Variants in MYH7B observed in about 807,000 individuals in gnomAD.
MYH7B encodes the protein myosin heavy chain 7B.
Under a neutral mutation model 234.5 loss-of-function variants are expected in MYH7B, and 205 were observed. The observed-to-expected ratio is 0.87, with a 90% CI of 0.78 to 0.98. The LOEUF is 0.98. Among genes scored for constraint, MYH7B ranks in the 50% least tolerant of loss-of-function variants. The probability of loss-of-function intolerance (pLI) is 0.00; values close to 1 mark genes in which losing one functional copy is unlikely to be tolerated. For missense variants in MYH7B, 2,652 were observed against 2,633.4 expected (o/e 1.01, Z -0.15); for synonymous variants, 1,193 against 1,105.0 (o/e 1.08, Z -1.58).
Position 34,979,782 on chromosome 20 carries a change from G to A in MYH7B, c.320G>A (p.Arg107His), listed in dbSNP as rs760623727. The A allele has an allele frequency of 1.4e-5, 23 of 1,613,788 alleles. No homozygotes were observed. The highest frequency in any genetic ancestry group is 5.3e-5 in the African/African-American group (4 of 74,912). The change falls in exon 7 of 45, where the codon CGC becomes CAC. Residue 107 changes from arginine to histidine, a missense_variant. Arg to His is a conservative substitution (Grantham distance 29). Around this residue, in one of 3 missense-constraint regions of MYH7B, gnomAD observed 366 missense variants for 401.2 expected, o/e 0.91. Transcript: ENST00000262873. ...TCTGTGCTGCACAACCTGCGCCAGC[G>A]CTATGCCCGCTGGATGATCTATGTG... is the stretch of plus-strand genomic sequence containing the variant.
chr20:34,963,822 CT>C (rs1447849473), intron 2 of MYH7B, among the ~76,000 whole-genome samples: 1 of 152,090 alleles, frequency 6.6e-6, no homozygotes, highest in Non-Finnish European at 1.5e-5. Flanking sequence ...ATATATGACA[CT>C]TTTTCATGGT....
At chr20:34,989,524 A>C (rs918253404) in intron 19 of MYH7B, among the ~76,000 whole-genome samples, 8 of 152,194 alleles carry the variant, frequency 5.3e-5, no homozygotes, top group Non-Finnish European at 1.2e-4. Flanking sequence ...TCAGTGCTGC[A>C]GATTTTGCAG....
At chr20:34,999,754 C>G (rs747998179) in intron 37 of MYH7B, 37 bp from the exon 38 acceptor site, 10 of 1,280,928 alleles carry the variant, frequency 7.8e-6, no homozygotes, top group East Asian at 5.2e-5. Flanking sequence ...TGGCCATCCC[C>G]CCCCCCCACC....
chr20:34,987,492 G>C (rs2082050444), intron 16 of MYH7B, 65 bp from the exon 17 acceptor site: 1 of 1,472,234 alleles, frequency 6.8e-7, no homozygotes, highest in African/African-American at 1.4e-5. Context: ...CCCAGGCTGA[G>C]GCAGTAGAGC....
intron 37 of MYH7B, 36 bp from the exon 38 acceptor site, chr20:34,999,750 TCCCCC>T (rs61644803): frequency 1.5e-6 from 2 of 1,320,730 alleles, no homozygotes; most frequent in Non-Finnish European, 1.0e-6. Context: ...CCACTGGCCA[TCCCCC>T]CCCCCCACCC....
At chr20:34,956,728 A>G (rs1221735410) in intron 1 of MYH7B, among the ~76,000 whole-genome samples, 1 of 152,100 alleles carries the variant, frequency 6.6e-6, no homozygotes, top group African/African-American at 2.4e-5. Flanking sequence ...AGAGGCTGGG[A>G]TGGGGACAGT....
chr20:34,995,210 C>T lies in MYH7B; in HGVS notation c.2701-126C>T, dbSNP rs982658964. The T allele has an allele frequency of 3.3e-6, 3 of 897,998 alleles. No homozygotes were observed. The African/African-American group carries it at 5.5e-5, about 16-fold the overall frequency. The allele number at this position is 897,998 out of a possible 1,614,324, so 55.6% of individuals were successfully genotyped here. ...TGCCCAAGAGCGAGTCAAGACATTC[C>T]TGAGTTCTCAGAGCACAGCCAAACT... On this transcript the variant is annotated intron_variant, in intron 27 of 44. Transcript: ENST00000262873.
rs763938483 is a variant in MYH7B at position 34,998,715 on chromosome 20, G to A, written c.3994-4G>A. 4 of 1,611,088 alleles carry A rather than the reference G, an allele frequency of 2.5e-6. No homozygotes were observed. Among genetic ancestry groups the A allele is most frequent in the African/African-American group, 2.7e-5 (2 of 74,932 alleles). The stretch of plus-strand genomic sequence containing the variant: ...TAACGCTGAGGTCACTGGTGTCCCT[G>A]CAGGCCAAGAGTGCCCTGGCCCACG... On this transcript the variant is annotated splice_polypyrimidine_tract_variant and splice_region_variant and intron_variant, in intron 34 of 44. Transcript: ENST00000262873.
chr20:34,998,929 T>A lies in MYH7B; in HGVS notation c.4190+14T>A. On this transcript the variant is annotated intron_variant, in intron 35 of 44. Coordinates refer to ENST00000262873, the Ensembl canonical transcript of MYH7B. The stretch of plus-strand genomic sequence containing the variant: ...GGAGGAGGCCAAGTGAGTGCTTTGC[T>A]GGCCAGGCCACTGCCATGCAGAGCT... The A allele has an allele frequency of 6.2e-7, 1 of 1,608,300 alleles. No individual in the cohort carries two copies. The highest frequency in any genetic ancestry group is 8.5e-7 in the Non-Finnish European group (1 of 1,176,802).
At chr20:34,978,084 A>G (rs1402101540) in exon 5 of MYH7B, 1 of 1,613,854 alleles carries the variant, frequency 6.2e-7, no homozygotes, top group African/African-American at 1.3e-5. Flanking sequence ...GGTGCACACT[A>G]TCCCATGGGA....
rs1383814656 is a variant in MYH7B at position 34,993,024 on chromosome 20, G to C, written c.2184-78G>C. The C allele has an allele frequency of 2.6e-6, 4 of 1,544,734 alleles. No individual in the cohort carries two copies. In the African/African-American group the frequency reaches 5.4e-5, roughly 21 times the overall value. ...CCTGCTACCCACACGAGCCTCCTCAGTCCCTGACTTCCCCATTCTCAGTGG... is the reference window on the plus strand; with the variant it reads ...CCTGCTACCCACACGAGCCTCCTCACTCCCTGACTTCCCCATTCTCAGTGG... On this transcript the variant is annotated intron_variant, in intron 24 of 44. Coordinates refer to ENST00000262873, the Ensembl canonical transcript of MYH7B.
At chr20:34,994,495 G>A in intron 27 of MYH7B, 94 bp downstream of exon 27, 1 of 1,387,284 alleles carries the variant, frequency 7.2e-7, no homozygotes. Flanking sequence ...TGGGGCTCAG[G>A]CCTTATGTCT....
intron 2 of MYH7B, among the ~76,000 whole-genome samples, chr20:34,972,804 A>G (rs528905338): frequency 6.6e-6 from 1 of 152,136 alleles, no homozygotes; most frequent in East Asian, 1.9e-4. Context: ...GCCAATTTTT[A>G]AATTTTTTGT....
chr20:34,989,522 G>A (rs975205842), intron 19 of MYH7B, among the ~76,000 whole-genome samples: 2 of 152,198 alleles, frequency 1.3e-5, no homozygotes, highest in African/African-American at 4.8e-5. Flanking sequence ...CCTCAGTGCT[G>A]CAGATTTTGC....
intron 1 of MYH7B, among the ~76,000 whole-genome samples, 187 bp from the exon 2 acceptor site, chr20:34,957,911 C>G (rs2081657077): frequency 6.6e-6 from 1 of 152,158 alleles, no homozygotes; most frequent in African/African-American, 2.4e-5. Flanking sequence ...TCTGGTTATT[C>G]CCAGAACAAT....
rs1600441254 is a variant in MYH7B, at chr20:34,987,953, A to T, written c.1416+39A>T. The T allele has an allele frequency of 2.6e-6, 4 of 1,564,966 alleles. No homozygotes were observed. In the East Asian group the frequency reaches 9.0e-5, roughly 35 times the overall value. On this transcript the variant is annotated intron_variant, in intron 18 of 44. Coordinates refer to ENST00000262873, the Ensembl canonical transcript of MYH7B. Reference sequence around the variant, plus strand: ...CTCACCTTGGCCTCTGTTCTCTCCAAGGTAGAGGACATGGGCCTGTGGGGG... The same window carrying T: ...CTCACCTTGGCCTCTGTTCTCTCCATGGTAGAGGACATGGGCCTGTGGGGG...
chr20:34,999,345 G>T (rs767764851), exon 36 of MYH7B: 1 of 1,553,904 alleles, frequency 6.4e-7, no homozygotes, highest in East Asian at 2.3e-5. Flanking sequence ...GCTGCGGCAC[G>T]GCCACGAGGA....
At chr20:34,993,287 T>C (rs780915102) in intron 25 of MYH7B, 47 bp from the exon 26 acceptor site, 2 of 1,614,010 alleles carry the variant, frequency 1.2e-6, no homozygotes. Flanking sequence ...GCAGGGTTCA[T>C]GCGGATGGTT....
chr20:34,996,853 G>A (rs2082269234), intron 30 of MYH7B, 95 bp downstream of exon 30: 12 of 1,517,320 alleles, frequency 7.9e-6, no homozygotes, highest in Non-Finnish European at 8.9e-6. Context: ...CATTGCAGAG[G>A]TTAAGGGTGG....
Sources: gnomAD v4.1 joint callset for allele counts (sites outside exome capture counted in the v4.1 genomes callset) on GRCh38, gnomAD v4.1.1 for gene constraint, gnomAD v4.1.1 regional missense constraint, MANE v1.5 for transcripts, NCBI Gene and HGNC (gene_info 2026-07-23, HGNC 2026-07-21) for gene names.